SGK1: variants seen among roughly 807,000 people sequenced by gnomAD.
SGK1 encodes serine/threonine-protein kinase Sgk1.
SGK1 carries 26 observed loss-of-function variants against 64.2 expected under a neutral mutation model. The ratio of observed to expected loss-of-function variants is 0.40; its 90% CI spans 0.30 to 0.56. The LOEUF is 0.56. SGK1 is among the 20% of genes least tolerant of loss of function. SGK1 has a pLI of 0.38. For missense variants in SGK1, 519 were observed against 645.6 expected (o/e 0.80, Z 2.12); for synonymous variants, 265 against 239.7 (o/e 1.11, Z -0.98).
At chr6:134,186,015 C>A (rs1196138994) in intron 3 of SGK1, among the ~76,000 whole-genome samples, 3 of 151,868 alleles carry the variant, frequency 2.0e-5, no homozygotes, top group East Asian at 3.9e-4. Flanking sequence ...TCCACCCAGA[C>A]TCACACATCA....
intron 2 of SGK1, among the ~76,000 whole-genome samples, chr6:134,227,412 G>A (rs761804589): frequency 3.0e-4 from 45 of 152,212 alleles, no homozygotes; most frequent in Non-Finnish European, 5.4e-4. Flanking sequence ...GGGATTACAG[G>A]CGTGGGCCAC....
At chr6:134,255,777 G>T (rs1776674322) in intron 2 of SGK1, among the ~76,000 whole-genome samples, 1 of 151,510 alleles carries the variant, frequency 6.6e-6, no homozygotes, top group Admixed American at 6.6e-5. Context: ...TAGAGACAGG[G>T]TTTCACCATG....
intron 2 of SGK1, among the ~76,000 whole-genome samples, chr6:134,258,465 G>A (rs1242542295): frequency 6.6e-6 from 1 of 152,120 alleles, no homozygotes; most frequent in African/African-American, 2.4e-5. Flanking sequence ...AGCACTTTGG[G>A]AGGCCGAGGC....
rs1417106828 is a variant in SGK1 at position 134,234,062 on chromosome 6, TAAGCAAGAAAAA to T, written c.286-26643_286-26632del. 9.8e-5 allele frequency among the ~76,000 whole-genome samples: 15 copies of T among 152,312 alleles called. 1 individual carries two copies. The South Asian group carries it at 2.7e-3, about 27-fold the overall frequency. On this transcript the variant is annotated intron_variant, in intron 2 of 13. Transcript: ENST00000367858. ...GTTGTATTCAAAACAAGTCCAAATT[TAAGCAAGAAAAA>T]ATTGTTTTAATAATAGAACATTTTA... is the stretch of plus-strand genomic sequence containing the variant.
chr6:134,175,040 G>T (rs1775182969), intron 3 of SGK1: 1 of 731,450 alleles, frequency 1.4e-6, no homozygotes, highest in Admixed American at 4.1e-5. Flanking sequence ...TTGAGAGGGC[G>T]AGCCCCGGGC....
At chr6:134,207,813 G>C (rs1775818790) in intron 2 of SGK1, among the ~76,000 whole-genome samples, 1 of 152,206 alleles carries the variant, frequency 6.6e-6, no homozygotes, top group South Asian at 2.1e-4. Context: ...TACATAAAAA[G>C]TGTTTGAATC....
At chr6:134,175,237 C>T (rs1330242664) in intron 3 of SGK1, among the ~76,000 whole-genome samples, 1 of 152,226 alleles carries the variant, frequency 6.6e-6, no homozygotes, top group African/African-American at 2.4e-5. Context: ...CGCCGAAGCG[C>T]TTCCCGGCGG....
chr6:134,182,597 G>A (rs745753508), intron 3 of SGK1, among the ~76,000 whole-genome samples: 7 of 151,942 alleles, frequency 4.6e-5, no homozygotes, highest in Non-Finnish European at 1.0e-4. Flanking sequence ...CCCACCCTAC[G>A]CACATCACAA....
At chr6:134,297,112 C>T (rs766721639) in intron 1 of SGK1, 17 of 533,156 alleles carry the variant, frequency 3.2e-5, no homozygotes, top group Admixed American at 6.8e-5. Context: ...GAGTTCAGGC[C>T]GTAGCTGAGG....
At chr6:134,240,536 T>G (rs1367521870) in intron 2 of SGK1, among the ~76,000 whole-genome samples, 1 of 152,210 alleles carries the variant, frequency 6.6e-6, no homozygotes, top group African/African-American at 2.4e-5. Flanking sequence ...ACTTGTTAAA[T>G]AATGTATTTT....
intron 3 of SGK1, among the ~76,000 whole-genome samples, chr6:134,198,244 T>C (rs942050376): frequency 1.3e-5 from 2 of 152,236 alleles, no homozygotes; most frequent in Non-Finnish European, 2.9e-5. Flanking sequence ...ACAAGGTTAG[T>C]CAACCCACAG....
intron 3 of SGK1, among the ~76,000 whole-genome samples, chr6:134,187,478 C>A (rs979235118): frequency 6.6e-6 from 1 of 152,230 alleles, no homozygotes; most frequent in Non-Finnish European, 1.5e-5. Flanking sequence ...ATGGGAGAAG[C>A]AGCACCATAT....
intron 1 of SGK1, among the ~76,000 whole-genome samples, chr6:134,264,824 G>T (rs1776826703): frequency 6.6e-6 from 1 of 151,908 alleles, no homozygotes; most frequent in Non-Finnish European, 1.5e-5. Context: ...TTTTTAAATT[G>T]TTTTGTAGAG....
rs754250568 is a variant in SGK1 at position 134,173,560 on chromosome 6, G to C, written c.520C>G (p.Pro174Ala). The C allele has an allele frequency of 6.3e-7, 1 of 1,580,910 alleles. No homozygotes were observed. The highest frequency in any genetic ancestry group is 8.6e-7 in the Non-Finnish European group (1 of 1,166,068). The change falls in exon 6 of 14, where the codon CCT becomes GCT. Residue 174 changes from proline (P) to alanine (A), a missense_variant. Coordinates refer to ENST00000367858, the MANE Select transcript of SGK1 (RefSeq NM_001143676.3). ...MNANPSPPPS[P>A]SQQINLGPSS... ...GGGCCAAGGTTGATTTGCTGAGAAG[G>C]ACTTGGCTAGAAAAAAAAAAAAAGA...
intron 1 of SGK1, among the ~76,000 whole-genome samples, chr6:134,263,082 G>T (rs1031687512): frequency 2.6e-5 from 4 of 152,034 alleles, no homozygotes; most frequent in Non-Finnish European, 5.9e-5. Context: ...GTGCCCAATA[G>T]ATAGTGACTA....
At chr6:134,315,439 G>C (rs1299699532) in intron 1 of SGK1, among the ~76,000 whole-genome samples, 1 of 152,132 alleles carries the variant, frequency 6.6e-6, no homozygotes, top group African/African-American at 2.4e-5. Flanking sequence ...CAGTACCCTG[G>C]GTGGTTCTCT....
At chr6:134,282,617 C>T (rs1777111814) in intron 1 of SGK1, among the ~76,000 whole-genome samples, 1 of 150,764 alleles carries the variant, frequency 6.6e-6, no homozygotes, top group Admixed American at 6.6e-5. Context: ...CACACCACCG[C>T]ACTCCAGCCT....
chr6:134,215,130 C>CTTTTT (rs780554551), intron 2 of SGK1: 22 of 345,574 alleles, frequency 6.4e-5, no homozygotes, highest in African/African-American at 2.5e-4. Flanking sequence ...TTCTTTCTTT[C>CTTTTT]TTTCTTTTTT....
rs77500798 is a variant in SGK1, at chr6:134,217,587, C to G, written c.286-10156G>C. On this transcript the variant is annotated intron_variant, in intron 2 of 13. Transcript: ENST00000367858. Reference sequence around the variant, plus strand: ...GGAATGTGGCCACATTATCTCACTACAGCAAACATGCCCATAGTTTGCAAA... The same window carrying G: ...GGAATGTGGCCACATTATCTCACTAGAGCAAACATGCCCATAGTTTGCAAA... Among the ~76,000 whole-genome samples, 1,204 of 152,294 alleles carry G rather than the reference C, an allele frequency of 7.9e-3. 8 individuals carry two copies. The highest frequency in any genetic ancestry group is 0.014 in the Non-Finnish European group (923 of 68,018).
Sources: allele counts gnomAD v4.1 joint callset (sites outside exome capture counted in the v4.1 genomes callset), GRCh38; gene constraint gnomAD v4.1.1; transcripts MANE v1.5; gene names NCBI Gene and HGNC (gene_info 2026-07-23, HGNC 2026-07-21).